Variants in SLC24A2 observed in about 807,000 individuals in gnomAD.
SLC24A2 encodes the protein sodium/potassium/calcium exchanger 2.
In SLC24A2, 36 loss-of-function variants were observed where a neutral mutation model predicts 62.0. The ratio of observed to expected loss-of-function variants is 0.58; its 90% CI spans 0.44 to 0.77. SLC24A2 has a LOEUF of 0.77. SLC24A2 is among the 30% of genes least tolerant of loss of function. The pLI is 0.00. For synonymous variants in SLC24A2, 358 were observed against 294.0 expected (o/e 1.22, Z -2.23); for missense variants, 846 against 817.9 (o/e 1.03, Z -0.42).
At chr9:20,073,365 G>C in the SLC24A2 span, among the ~76,000 whole-genome samples, 1 of 152,228 alleles carries the variant, frequency 6.6e-6, no homozygotes, top group Non-Finnish European at 1.5e-5. Context: ...TCAGAATAAT[G>C]TCTCTTTTAA....
chr9:19,866,832 A>G, the SLC24A2 span, among the ~76,000 whole-genome samples: 1 of 151,592 alleles, frequency 6.6e-6, no homozygotes, highest in Non-Finnish European at 1.5e-5. Context: ...AGACGGGGTC[A>G]CTTATTATTT....
chr9:20,052,330 G>A, the SLC24A2 span, among the ~76,000 whole-genome samples: 1 of 152,184 alleles, frequency 6.6e-6, no homozygotes, highest in East Asian at 1.9e-4. Context: ...AGGTGGCAAA[G>A]ACATTCTCTG....
the SLC24A2 span, among the ~76,000 whole-genome samples, chr9:20,161,193 G>C: frequency 6.6e-6 from 1 of 151,296 alleles, no homozygotes; most frequent in African/African-American, 2.4e-5. Context: ...CATTAAAAGA[G>C]ACAAGAGGCT....
chr9:19,973,659 G>A, the SLC24A2 span, among the ~76,000 whole-genome samples: 1 of 152,132 alleles, frequency 6.6e-6, no homozygotes, highest in Non-Finnish European at 1.5e-5. Context: ...ATTTAATAAA[G>A]GTAACTCACA....
At chr9:19,759,999 A>T (rs570303634) in intron 2 of SLC24A2, among the ~76,000 whole-genome samples, 3 of 152,338 alleles carry the variant, frequency 2.0e-5, no homozygotes, top group African/African-American at 7.2e-5. Flanking sequence ...TCTGAGCCAC[A>T]TAACTTTATT....
At chr9:20,050,039 A>G in the SLC24A2 span, among the ~76,000 whole-genome samples, 1 of 152,108 alleles carries the variant, frequency 6.6e-6, no homozygotes, top group African/African-American at 2.4e-5. Flanking sequence ...TATGGACTGG[A>G]GCAGAGCAGG....
the SLC24A2 span, among the ~76,000 whole-genome samples, chr9:19,838,551 A>C: frequency 6.6e-5 from 10 of 151,592 alleles, no homozygotes; most frequent in Admixed American, 1.3e-4. Flanking sequence ...AAGCAAGAGA[A>C]TTGCTTGAAC....
chr9:20,188,213 T>C, the SLC24A2 span, among the ~76,000 whole-genome samples: 53 of 152,268 alleles, frequency 3.5e-4, no homozygotes, highest in African/African-American at 1.1e-3. Context: ...ACTCTCCACT[T>C]CTCTTCCAGG....
chr9:19,975,900 T>TTTTG, the SLC24A2 span, among the ~76,000 whole-genome samples: 3,058 of 151,000 alleles, frequency 0.02, 110 homozygotes, highest in African/African-American at 0.07. Flanking sequence ...AAACATACGT[T>TTTTG]TTTGTTTGTT....
chr9:20,068,046 A>AT, the SLC24A2 span, among the ~76,000 whole-genome samples: 1 of 112,914 alleles, frequency 8.9e-6, no homozygotes, highest in Non-Finnish European at 1.9e-5. Context: ...AACATCTGTT[A>AT]TTTTTTGACT....
the SLC24A2 span, among the ~76,000 whole-genome samples, chr9:19,975,749 T>C: frequency 6.6e-6 from 1 of 152,128 alleles, no homozygotes; most frequent in South Asian, 2.1e-4. Flanking sequence ...TTTTTTTCCA[T>C]GTTCTGCTTT....
the SLC24A2 span, among the ~76,000 whole-genome samples, chr9:20,091,316 C>T: frequency 1.3e-5 from 2 of 152,002 alleles, no homozygotes; most frequent in Admixed American, 1.3e-4. Context: ...TCCCCAACCC[C>T]ACTGGAGAGG....
At chr9:19,563,350 A>C (rs1269206451) in intron 7 of SLC24A2, among the ~76,000 whole-genome samples, 3 of 151,942 alleles carry the variant, frequency 2.0e-5, no homozygotes, top group African/African-American at 7.3e-5. Context: ...ATTTATTTTT[A>C]AAGTTTGAAA....
the SLC24A2 span, among the ~76,000 whole-genome samples, chr9:20,238,336 C>G: frequency 6.6e-6 from 1 of 152,294 alleles, no homozygotes; most frequent in East Asian, 1.9e-4. Flanking sequence ...AAGCCAAAAA[C>G]TCCGACCTTC....
intron 4 of SLC24A2, among the ~76,000 whole-genome samples, chr9:19,607,674 G>T (rs1047029467): frequency 2.1e-5 from 3 of 146,230 alleles, no homozygotes; most frequent in African/African-American, 7.6e-5. Context: ...AGCCAAGATC[G>T]TGCCACTGCA....
At chr9:20,239,877 CT>C in the SLC24A2 span, among the ~76,000 whole-genome samples, 36,304 of 143,714 alleles carry the variant, frequency 0.25, 5,311 homozygotes, top group East Asian at 0.66. Context: ...TGCCTTCTGG[CT>C]TTTTTTTTTT....
chr9:20,031,408 C>T, the SLC24A2 span, among the ~76,000 whole-genome samples: 11 of 143,258 alleles, frequency 7.7e-5, no homozygotes, highest in South Asian at 4.4e-4. Flanking sequence ...TGTGTGTGTG[C>T]GCATATGTGC....
the SLC24A2 span, chr9:19,895,883 G>A: frequency 6.2e-7 from 1 of 1,613,350 alleles, no homozygotes; most frequent in East Asian, 2.2e-5. Flanking sequence ...GCCTCGGCCA[G>A]TGTGATGCGC....
At chr9:19,664,164 T>G (rs1819182246) in intron 2 of SLC24A2, among the ~76,000 whole-genome samples, 2 of 152,232 alleles carry the variant, frequency 1.3e-5, no homozygotes, top group Admixed American at 1.3e-4. Context: ...TTTGGTTTGT[T>G]TTGTGATAGT....
Sources: allele counts gnomAD v4.1 joint callset (sites outside exome capture counted in the v4.1 genomes callset), GRCh38; gene constraint gnomAD v4.1.1; transcripts MANE v1.5; gene names NCBI Gene and HGNC (gene_info 2026-07-23, HGNC 2026-07-21).